Variants in WWOX observed in about 807,000 individuals in gnomAD.
The protein encoded by WWOX is WW domain containing oxidoreductase, also known as WW domain-containing oxidoreductase.
WWOX carries 69 observed loss-of-function variants against 46.2 expected under a neutral mutation model. The ratio of observed to expected loss-of-function variants is 1.49; its 90% CI spans 1.23 to 1.82. WWOX has a LOEUF of 1.82. Among genes scored for constraint, WWOX ranks in the 40% most tolerant of loss-of-function variants. WWOX has a pLI of 0.00. For missense variants in WWOX, 919 were observed against 542.6 expected, an observed-to-expected ratio of 1.69 and a Z score of -6.89; for synonymous variants, 359 against 202.6, an observed-to-expected ratio of 1.77 and a Z score of -6.56.
chr16:78,702,123 T>TATATATATATATATATATATATATATA (rs202235289), intron 8 of WWOX, among the ~76,000 whole-genome samples: 1 of 125,468 alleles, frequency 8.0e-6, no homozygotes, highest in African/African-American at 3.1e-5. Context: ...TATATATATA[T>TATATATATATATATATATATATATATA]TTATTTATTT....
chr16:78,975,458 C>CT (rs55693225), intron 8 of WWOX, among the ~76,000 whole-genome samples: 7,134 of 143,876 alleles, frequency 0.05, 173 homozygotes, highest in East Asian at 0.069. Context: ...GTTCCCCAAC[C>CT]TTTTTTTTTT....
Position 78,589,597 on chromosome 16 carries a change from C to A in WWOX, c.1056+156845C>A, listed in dbSNP as rs375826800. 1.1e-3 allele frequency among the ~76,000 whole-genome samples: 164 copies of A among 152,258 alleles called. 1 individual carries two copies. Among genetic ancestry groups the A allele is most frequent in the African/African-American group, 3.9e-3 (160 of 41,552 alleles). On this transcript the variant is annotated intron_variant, in intron 8 of 8. Coordinates refer to ENST00000566780, the MANE Select transcript of WWOX (RefSeq NM_016373.4). ...CTTGCAAGGGCCCTTGGTTAAGTTA[C>A]AGTAGAGAAGTGGTTGCTTAAGCAA...
chr16:78,722,703 T>G (rs1319270881), intron 8 of WWOX, among the ~76,000 whole-genome samples: 1 of 103,550 alleles, frequency 9.7e-6, no homozygotes, highest in Admixed American at 1.0e-4. Context: ...TCTCTGTTTT[T>G]TTTTTTTTTT....
chr16:78,797,230 A>G (rs2050762062), intron 8 of WWOX, among the ~76,000 whole-genome samples: 1 of 152,144 alleles, frequency 6.6e-6, no homozygotes, highest in South Asian at 2.1e-4. Context: ...CTGAATGAAG[A>G]GAACCTGCTA....
chr16:78,755,811 A>G (rs1434883271), intron 8 of WWOX, among the ~76,000 whole-genome samples: 1 of 152,224 alleles, frequency 6.6e-6, no homozygotes, highest in Non-Finnish European at 1.5e-5. Context: ...CACTTTCGCC[A>G]TTTAATAGCT....
intron 5 of WWOX, among the ~76,000 whole-genome samples, chr16:78,286,571 T>C (rs534649679): frequency 6.6e-6 from 1 of 152,310 alleles, no homozygotes; most frequent in African/African-American, 2.4e-5. Flanking sequence ...GATCGTTGGA[T>C]TCTAAAACTT....
intron 8 of WWOX, among the ~76,000 whole-genome samples, chr16:78,872,239 T>C (rs368617688): frequency 2.0e-5 from 3 of 152,222 alleles, no homozygotes; most frequent in East Asian, 3.8e-4. Flanking sequence ...TACTGAGATC[T>C]CTATGAGAGC....
chr16:78,968,211 C>T (rs989870119), intron 8 of WWOX, among the ~76,000 whole-genome samples: 1 of 152,212 alleles, frequency 6.6e-6, no homozygotes. Context: ...TGGCACAGCA[C>T]ATGGACATGA....
chr16:78,585,434 C>G (rs1333391598), intron 8 of WWOX, among the ~76,000 whole-genome samples: 2 of 152,144 alleles, frequency 1.3e-5, no homozygotes, highest in African/African-American at 2.4e-5. Flanking sequence ...CTTTGACCAC[C>G]TCCCAAAAGC....
intron 6 of WWOX, among the ~76,000 whole-genome samples, chr16:78,419,760 G>C (rs568338145): frequency 2.7e-5 from 4 of 150,134 alleles, no homozygotes; most frequent in East Asian, 1.9e-4. Flanking sequence ...ATACAACCCT[G>C]ACAGCACAAG....
chr16:78,542,080 C>G (rs769440757), intron 8 of WWOX, among the ~76,000 whole-genome samples: 1 of 139,560 alleles, frequency 7.2e-6, no homozygotes, highest in Non-Finnish European at 1.5e-5. Context: ...AGGACCTGGA[C>G]TTAATCTTCA....
intron 8 of WWOX, among the ~76,000 whole-genome samples, chr16:78,767,799 C>G (rs1434015135): frequency 6.6e-6 from 1 of 152,124 alleles, no homozygotes; most frequent in Non-Finnish European, 1.5e-5. Flanking sequence ...ATTCCCATTT[C>G]CCTAATGATG....
At chr16:78,168,135 C>G (rs1355973412) in intron 5 of WWOX, 1 of 152,188 alleles carries the variant, frequency 6.6e-6, no homozygotes, top group Non-Finnish European at 1.5e-5. Context: ...GGCCATTTGG[C>G]TCAGCGGAGG....
At chr16:78,766,799 A>C (rs2049933939) in intron 8 of WWOX, among the ~76,000 whole-genome samples, 1 of 152,220 alleles carries the variant, frequency 6.6e-6, no homozygotes, top group South Asian at 2.1e-4. Flanking sequence ...CAAAATGTAC[A>C]CAACTTAGTA....
At chr16:78,687,962 C>G (rs1378232453) in intron 8 of WWOX, among the ~76,000 whole-genome samples, 1 of 152,092 alleles carries the variant, frequency 6.6e-6, no homozygotes, top group African/African-American at 2.4e-5. Flanking sequence ...GAGGTCAGAT[C>G]TAGTGTGGTA....
At chr16:78,963,502 A>G (rs1312927327) in intron 8 of WWOX, among the ~76,000 whole-genome samples, 2 of 152,208 alleles carry the variant, frequency 1.3e-5, no homozygotes, top group Non-Finnish European at 2.9e-5. Flanking sequence ...AAAAAGCTAA[A>G]TAAGTTGCAG....
At chr16:78,178,809 A>G (rs1052670651) in intron 5 of WWOX, among the ~76,000 whole-genome samples, 2 of 151,536 alleles carry the variant, frequency 1.3e-5, no homozygotes, top group Non-Finnish European at 2.9e-5. Flanking sequence ...GGTTGCAGTG[A>G]GCCAAGGTGG....
intron 8 of WWOX, among the ~76,000 whole-genome samples, chr16:79,048,884 C>G (rs1311431668): frequency 1.3e-5 from 2 of 152,176 alleles, no homozygotes; most frequent in East Asian, 3.9e-4. Flanking sequence ...TACCACCATC[C>G]CCAGAGTGAC....
intron 8 of WWOX, among the ~76,000 whole-genome samples, chr16:78,697,906 T>TA (rs151133208): frequency 6.6e-6 from 1 of 152,260 alleles, no homozygotes; most frequent in East Asian, 1.9e-4. Context: ...AGAGGTTTAG[T>TA]AATGTGCTTG....
Sources: allele counts gnomAD v4.1 joint callset (sites outside exome capture counted in the v4.1 genomes callset), GRCh38; gene constraint gnomAD v4.1.1; transcripts MANE v1.5; gene names NCBI Gene and HGNC (gene_info 2026-07-23, HGNC 2026-07-21).